GPR37: variants seen among roughly 807,000 people sequenced by gnomAD.
GPR37 encodes the protein G protein-coupled receptor 37, also known as prosaposin receptor GPR37.
Under a neutral mutation model 43.6 loss-of-function variants are expected in GPR37, and 20 were observed. The ratio of observed to expected loss-of-function variants is 0.46; its 90% CI spans 0.32 to 0.67. GPR37 has a LOEUF of 0.67. Among genes scored for constraint, GPR37 ranks in the 30% least tolerant of loss-of-function variants. The probability of loss-of-function intolerance (pLI) is 0.03; values close to 1 mark genes in which losing one functional copy is unlikely to be tolerated. For missense variants in GPR37, 724 were observed against 797.2 expected (o/e 0.91, Z 1.11); for synonymous variants, 315 against 322.6 (o/e 0.98, Z 0.25).
At chr7:124,747,580 A>G (rs923341750) in intron 1 of GPR37, among the ~76,000 whole-genome samples, 3 of 152,306 alleles carry the variant, frequency 2.0e-5, no homozygotes, top group African/African-American at 7.2e-5. Flanking sequence ...CATGGAGTGC[A>G]GAACATTTAG....
At chr7:124,757,006 G>A (rs1467911797) in intron 1 of GPR37, among the ~76,000 whole-genome samples, 1 of 152,134 alleles carries the variant, frequency 6.6e-6, no homozygotes, top group Admixed American at 6.5e-5. Context: ...ATACTTTGCT[G>A]ACATGGCAGG....
At chr7:124,752,991 T>C (rs1404306972) in intron 1 of GPR37, among the ~76,000 whole-genome samples, 3 of 151,886 alleles carry the variant, frequency 2.0e-5, no homozygotes, top group Non-Finnish European at 4.4e-5. Flanking sequence ...TGCTCCTGTG[T>C]AGGAAAAAAA....
chr7:124,762,156 C>T lies in GPR37; in HGVS notation c.1023+1798G>A, dbSNP rs6957924. 6.2e-3 allele frequency among the ~76,000 whole-genome samples: 937 copies of T among 152,102 alleles called. 10 individuals are homozygous for T. The highest frequency in any genetic ancestry group is 0.022 in the African/African-American group (895 of 41,512). On this transcript the variant is annotated intron_variant, in intron 1 of 1. Transcript: ENST00000303921. ...TTACATTTGTACAAACTCAGAATTA[C>T]GGAAAAAGAAAATTAAAATAAGTAC...
chr7:124,760,522 C>T (rs1793839610), intron 1 of GPR37, among the ~76,000 whole-genome samples: 1 of 152,140 alleles, frequency 6.6e-6, no homozygotes, highest in African/African-American at 2.4e-5. Flanking sequence ...AATTGCAGAA[C>T]TTACTGACAG....
At chr7:124,750,921 T>C (rs1793723055) in intron 1 of GPR37, among the ~76,000 whole-genome samples, 1 of 152,162 alleles carries the variant, frequency 6.6e-6, no homozygotes, top group Non-Finnish European at 1.5e-5. Context: ...TACACTGTGT[T>C]TTATCTGAGG....
In GPR37 at chr7:124,765,048, TG is replaced by T; in HGVS notation, c.-73del. ...GATCGACACCTGCTGCCGAAGTTGC[TG>T]CTGAGAGTTAGGCACATGTCACATA... On this transcript the variant is annotated 5_prime_UTR_variant, in exon 1 of 2. An upstream open reading frame in the 5' UTR loses its in-frame stop. Transcript: ENST00000303921. 4 of 1,365,850 alleles carry T rather than the reference TG, an allele frequency of 2.9e-6. No homozygotes were observed. The highest frequency in any genetic ancestry group is 3.8e-6 in the Non-Finnish European group (4 of 1,042,160). 84.6% of individuals were successfully genotyped at this position (1,365,850 alleles called of 1,614,324 possible).
intron 1 of GPR37, among the ~76,000 whole-genome samples, chr7:124,759,128 A>G (rs946534220): frequency 6.7e-6 from 1 of 148,944 alleles, no homozygotes; most frequent in East Asian, 2.0e-4. Flanking sequence ...ATGCAGTGGC[A>G]TGATCATGGA....
intron 1 of GPR37, among the ~76,000 whole-genome samples, chr7:124,756,369 C>G (rs1033368431): frequency 6.6e-6 from 1 of 152,122 alleles, no homozygotes; most frequent in Admixed American, 6.5e-5. Flanking sequence ...AGTGTACAGA[C>G]AGATAACACT....
Position 124,763,939 on chromosome 7 carries a change from C to T in GPR37, c.1023+15G>A, listed in dbSNP as rs1290729418. On this transcript the variant is annotated intron_variant, in intron 1 of 1. Coordinates refer to ENST00000303921, the MANE Select transcript of GPR37 (RefSeq NM_005302.5). ...AGATAAAGCCACTAGCTTGAGAGCC[C>T]CTGGAAGGCATTACCTCTATATAGG... 1 of 1,611,400 alleles carries T rather than the reference C, an allele frequency of 6.2e-7. No individual in the cohort carries two copies. Among genetic ancestry groups the T allele is most frequent in the East Asian group, 2.2e-5 (1 of 44,826 alleles).
rs892150499 is a variant in GPR37, at chr7:124,765,285, A to C, written c.-309T>G. Reference sequence around the variant, plus strand: ...CTGACCTTGAAAAGTTGCAATCAACACCTGACTGTTGATTACTGTTGAGAC... The same window carrying C: ...CTGACCTTGAAAAGTTGCAATCAACCCCTGACTGTTGATTACTGTTGAGAC... On this transcript the variant is annotated 5_prime_UTR_variant, in exon 1 of 2. Coordinates refer to ENST00000303921, the MANE Select transcript of GPR37 (RefSeq NM_005302.5). 3 of 330,514 alleles carry C rather than the reference A, an allele frequency of 9.1e-6. No homozygotes were observed. The highest frequency in any genetic ancestry group is 1.6e-5 in the Non-Finnish European group (3 of 182,732). The allele number at this position is 330,514 out of a possible 1,614,324, so 20.5% of individuals were successfully genotyped here.
rs115009567 is a variant in GPR37, at chr7:124,764,294, C to A, written c.683G>T (p.Gly228Val). ...GCGGGGACCCCCAGGCTCATGGATT[C>A]CTTCACCCAAGGATCCATTCTGGGC... ...ALAQNGSLGE[G>V]IHEPGGPRRG... The change falls in exon 1 of 2, where the codon GGA (glycine) becomes GTA (valine). Residue 228 changes from glycine (G) to valine (V), a missense_variant. By Grantham distance (109) the Gly-to-Val change is moderately radical (BLOSUM62 -3). This residue lies in a region of GPR37 where 382 missense variants were observed against 355.4 expected (regional missense o/e 1.07). Transcript: ENST00000303921. This position sits in a 1 kb window ranked among gnomAD's most constrained non-coding sequence, Gnocchi z 5.4. The A allele has an allele frequency of 6.0e-4, 958 of 1,602,568 alleles. 3 individuals carry two copies. In the African/African-American group the frequency reaches 0.011, roughly 19 times the overall value.
intron 1 of GPR37, among the ~76,000 whole-genome samples, chr7:124,747,935 T>A (rs1207878168): frequency 6.6e-6 from 1 of 152,102 alleles, no homozygotes; most frequent in Non-Finnish European, 1.5e-5. Context: ...GAAAGGGAAA[T>A]TCTCCAGAGG....
intron 1 of GPR37, among the ~76,000 whole-genome samples, chr7:124,759,097 C>T (rs1228201134): frequency 2.0e-5 from 3 of 150,354 alleles, no homozygotes; most frequent in South Asian, 4.2e-4. Flanking sequence ...GACAGGGTCC[C>T]ACTCTGTCAC....
rs140978952 is a variant in GPR37, at chr7:124,745,137, A to G, written c.*1388T>C. ...GATTTTTAAATAACATCATGTTATA[A>G]TTTGGAAAAAGGAATACTGACTTAC... On this transcript the variant is annotated 3_prime_UTR_variant, in exon 2 of 2. Transcript: ENST00000303921. 2.0e-5 allele frequency: 3 copies of G among 152,344 alleles called. No individual in the cohort carries two copies. Among genetic ancestry groups the G allele is most frequent in the Non-Finnish European group, 4.4e-5 (3 of 68,032 alleles). The allele number at this position is 152,344 out of a possible 1,614,324, so 9.4% of individuals were successfully genotyped here.
chr7:124,756,124 T>C (rs1793788285), intron 1 of GPR37, among the ~76,000 whole-genome samples: 1 of 152,204 alleles, frequency 6.6e-6, no homozygotes, highest in Non-Finnish European at 1.5e-5. Flanking sequence ...TTGCATATCT[T>C]GATGCGAATT....
At position 124,764,905 on chromosome 7, in the gene GPR37, G is replaced by A; in HGVS notation, c.72C>T (p.Ala24=). 6.3e-7 allele frequency: 1 copy of A among 1,598,254 alleles called. No homozygotes were observed. Among genetic ancestry groups the A allele is most frequent in the Non-Finnish European group, 8.5e-7 (1 of 1,173,412 alleles). ...LLLLLLLKVS[A]SSALGVAPAS... is the part of the protein sequence containing the mutation. Reference sequence around the variant, plus strand: ...CAGGGGCGACCCCGAGGGCAGAAGAGGCAGACACCTTGAGCAGTAGCAGAA... The same window carrying A: ...CAGGGGCGACCCCGAGGGCAGAAGAAGCAGACACCTTGAGCAGTAGCAGAA... The change falls in exon 1 of 2, where the codon GCC becomes GCT. Residue 24 remains alanine, a synonymous_variant. Transcript: ENST00000303921. The surrounding 1 kb of genome is among the most constrained non-coding windows in gnomAD (Gnocchi z 5.4).
At position 124,764,285 on chromosome 7, in the gene GPR37, T is replaced by A. The variant is rs146609235; in HGVS notation, c.692A>T (p.Glu231Val). 8.0e-5 allele frequency: 128 copies of A among 1,601,620 alleles called. No individual in the cohort carries two copies. In the African/African-American group the frequency reaches 1.6e-3, roughly 19 times the overall value. ...QNGSLGEGIH[E>V]PGGPRRGNST... Reference sequence around the variant, plus strand: ...GTTTCCCCGGCGGGGACCCCCAGGCTCATGGATTCCTTCACCCAAGGATCC... The same window carrying A: ...GTTTCCCCGGCGGGGACCCCCAGGCACATGGATTCCTTCACCCAAGGATCC... Residue 231 changes from glutamate (E) to valine (V), a missense_variant, in exon 1 of 2, where the codon GAG becomes GTG. This residue lies in a region of GPR37 where 382 missense variants were observed against 355.4 expected (regional missense o/e 1.07). Coordinates refer to ENST00000303921, the MANE Select transcript of GPR37 (RefSeq NM_005302.5). This position sits in a 1 kb window ranked among gnomAD's most constrained non-coding sequence, Gnocchi z 5.4.
intron 1 of GPR37, among the ~76,000 whole-genome samples, chr7:124,759,338 A>G (rs1293792522): frequency 2.6e-5 from 4 of 152,140 alleles, no homozygotes; most frequent in Non-Finnish European, 4.4e-5. Context: ...AAGTGCTGAG[A>G]TTACAGGGGT....
intron 1 of GPR37, among the ~76,000 whole-genome samples, chr7:124,750,631 A>G (rs1169709782): frequency 6.6e-6 from 1 of 152,150 alleles, no homozygotes; most frequent in Non-Finnish European, 1.5e-5. Context: ...CACATATGCT[A>G]GTAACTGCAT....
Sources: gnomAD v4.1 joint callset for allele counts (sites outside exome capture counted in the v4.1 genomes callset) on GRCh38, gnomAD v4.1.1 for gene constraint, gnomAD v4.1.1 regional missense constraint, Gnocchi (gnomAD v3.1) non-coding constraint, MANE v1.5 for transcripts, NCBI Gene and HGNC (gene_info 2026-07-23, HGNC 2026-07-21) for gene names.